The following NFIC variants were observed in gnomAD, a reference collection of about 807,000 sequenced individuals.
The protein encoded by NFIC is nuclear factor I C.
Under a neutral mutation model 54.4 loss-of-function variants are expected in NFIC, and 12 were observed. That is an observed-to-expected ratio of 0.22 (90% confidence interval 0.14 to 0.36). The LOEUF (loss-of-function observed/expected upper bound fraction) is 0.36. Among genes scored for constraint, NFIC ranks in the 10% least tolerant of loss-of-function variants. The pLI is 1.00. For synonymous variants in NFIC, 322 were observed against 319.2 expected (o/e 1.01, Z -0.09); for missense variants, 575 against 718.2 (o/e 0.80, Z 2.28).
chr19:3,377,195 A>G (rs977851292), intron 1 of NFIC, among the ~76,000 whole-genome samples: 6 of 151,628 alleles, frequency 4.0e-5, no homozygotes, highest in African/African-American at 7.3e-5. Context: ...TTAGTTGGGC[A>G]TGGTGGCGGG....
rs958990776 is a variant in NFIC at position 3,464,203 on chromosome 19, G to A, written c.*1434G>A. 1 of 985,404 alleles carries A rather than the reference G, an allele frequency of 1.0e-6. No individual in the cohort carries two copies. Among genetic ancestry groups the A allele is most frequent in the African/African-American group, 1.7e-5 (1 of 57,360 alleles). The allele number at this position is 985,404 out of a possible 1,614,324, so 61.0% of individuals were successfully genotyped here. The stretch of plus-strand genomic sequence containing the variant: ...CCGACGCGGGGCCCAGCTGCGGGAC[G>A]TGCATCACGGCTGGGCCCCCAGAGG... On this transcript the variant is annotated 3_prime_UTR_variant, in exon 11 of 11. Coordinates refer to ENST00000443272, the MANE Select transcript of NFIC (RefSeq NM_001245002.2).
chr19:3,431,727 C>T (rs762229310), intron 3 of NFIC, among the ~76,000 whole-genome samples: 39 of 152,014 alleles, frequency 2.6e-4, no homozygotes, highest in Non-Finnish European at 4.7e-4. Context: ...TGATCTCAAA[C>T]TCCTGAGCTC....
rs765596959 is a variant in NFIC, at chr19:3,456,631, C to T, written c.1505C>T (p.Ala502Val). 1.9e-6 allele frequency: 3 copies of T among 1,546,000 alleles called. No individual in the cohort carries two copies. The highest frequency in any genetic ancestry group is 2.6e-6 in the Non-Finnish European group (3 of 1,142,898). ...AGGGATCCTGCGGGCATTTATCAGGCACAGGTAGGGGCCGAGAGGCCGGCT... is the reference window on the plus strand; with the variant it reads ...AGGGATCCTGCGGGCATTTATCAGGTACAGGTAGGGGCCGAGAGGCCGGCT... ...GPRDPAGIYQAQSWYLG is the reference protein window; with the variant it reads ...GPRDPAGIYQVQSWYLG The change falls in exon 10 of 11, where the codon GCA (alanine) becomes GTA (valine). Residue 502 changes from alanine (A) to valine (V), a missense_variant. Ala to Val is a moderately conservative substitution (Grantham distance 64, BLOSUM62 0). Coordinates refer to ENST00000443272, the MANE Select transcript of NFIC (RefSeq NM_001245002.2).
intron 2 of NFIC, among the ~76,000 whole-genome samples, chr19:3,404,326 G>C (rs2081607851): frequency 6.6e-6 from 1 of 152,156 alleles, no homozygotes; most frequent in South Asian, 2.1e-4. Context: ...GACCGGGAGG[G>C]GGTGGGGGTG....
intron 2 of NFIC, among the ~76,000 whole-genome samples, chr19:3,385,921 A>C (rs2081289279): frequency 1.3e-5 from 2 of 149,656 alleles, no homozygotes; most frequent in South Asian, 4.2e-4. Flanking sequence ...TGCCCAGGCT[A>C]CTCTCGAACT....
chr19:3,390,624 T>C (rs950928346), intron 2 of NFIC, among the ~76,000 whole-genome samples: 4 of 152,066 alleles, frequency 2.6e-5, no homozygotes, highest in African/African-American at 9.7e-5. Context: ...ATCCAATTAG[T>C]GCATGAAAAG....
At chr19:3,438,429 C>CT (rs59788026) in intron 6 of NFIC, among the ~76,000 whole-genome samples, 1,518 of 124,008 alleles carry the variant, frequency 0.012, 11 homozygotes, top group Middle Eastern at 0.029. Flanking sequence ...CTGAGGGTTT[C>CT]TTTTTTTTTT....
chr19:3,464,792 G>A lies in NFIC; in HGVS notation c.*2023G>A. On this transcript the variant is annotated 3_prime_UTR_variant, in exon 11 of 11. Coordinates refer to ENST00000443272, the MANE Select transcript of NFIC (RefSeq NM_001245002.2). ...CGCCATCCTCTGGCCTCGAGCCCTT[G>A]GTCCCTCCGTCCGTCTGTCCTCGGG... The A allele has an allele frequency of 1.2e-6, 1 of 851,546 alleles. No homozygotes were observed. The highest frequency in any genetic ancestry group is 1.4e-6 in the Non-Finnish European group (1 of 707,776). 52.7% of individuals were successfully genotyped at this position (851,546 alleles called of 1,614,324 possible).
Position 3,434,356 on chromosome 19 carries a change from C to G in NFIC, c.789C>G (p.Ala263=). 6.2e-7 allele frequency: 1 copy of G among 1,613,450 alleles called. No individual in the cohort carries two copies. The highest frequency in any genetic ancestry group is 8.5e-7 in the Non-Finnish European group (1 of 1,179,828). The change falls in exon 5 of 11, where the codon GCC becomes GCG. Residue 263 remains alanine (A), a synonymous_variant. Coordinates refer to ENST00000443272, the MANE Select transcript of NFIC (RefSeq NM_001245002.2). ...QGHLAYDLNP[A]STGLRRTLPS... is the part of the protein sequence containing the mutation. Reference sequence around the variant, plus strand: ...ACCTGGCATACGACCTGAACCCAGCCAGCACTGGCCTCAGAAGAACGCTGC... The same window carrying G: ...ACCTGGCATACGACCTGAACCCAGCGAGCACTGGCCTCAGAAGAACGCTGC...
At position 3,429,231 on chromosome 19, in the gene NFIC, CAAA is replaced by C. The variant is rs367681612; in HGVS notation, c.634+4069_634+4071del. 1.6e-3 allele frequency among the ~76,000 whole-genome samples: 60 copies of C among 36,734 alleles called. 2 individuals carry two copies. Among genetic ancestry groups the C allele is most frequent in the African/African-American group, 6.7e-3 (56 of 8,314 alleles). The allele number at this position is 36,734 out of a possible 152,430, so 24.1% of individuals were successfully genotyped here. A position where few individuals can be genotyped will look rare whatever the true frequency, so the allele number is the denominator to read the frequency against. Reference sequence around the variant, plus strand: ...ATATAGCAAGACCCTATCTCTACCCCAAAAAAAAAAAAAAAAATATATACACAC... The same window carrying C: ...ATATAGCAAGACCCTATCTCTACCCCAAAAAAAAAAAAAATATATACACAC... On this transcript the variant is annotated intron_variant, in intron 3 of 10. Transcript: ENST00000443272.
intron 2 of NFIC, among the ~76,000 whole-genome samples, chr19:3,394,558 A>G (rs2081432458): frequency 9.0e-6 from 1 of 110,828 alleles, no homozygotes; most frequent in Non-Finnish European, 1.7e-5. Flanking sequence ...TGAAATTTGG[A>G]CAGACCACAT....
Position 3,458,452 on chromosome 19 carries a change from G to A in NFIC, c.1509+1817G>A, listed in dbSNP as rs1327165766. ...CCAAACTCTCTGACCAGGCCCTCCC[G>A]CCAGGGCCCGGGACCCTTCTCTCAG... On this transcript the variant is annotated intron_variant, in intron 10 of 10. Coordinates refer to ENST00000443272, the MANE Select transcript of NFIC (RefSeq NM_001245002.2). The surrounding 1 kb of genome is among the most constrained non-coding windows in gnomAD (Gnocchi z 4.1). Among the ~76,000 whole-genome samples the A allele has an allele frequency of 6.6e-6, 1 of 152,078 alleles. No homozygotes were observed. The highest frequency in any genetic ancestry group is 2.4e-5 in the African/African-American group (1 of 41,424).
At chr19:3,454,256 G>T in intron 9 of NFIC, 1 of 1,145,706 alleles carries the variant, frequency 8.7e-7, no homozygotes, top group Non-Finnish European at 1.1e-6. Context: ...CACAGTGGCG[G>T]CCCGAGGGCC....
intron 10 of NFIC, among the ~76,000 whole-genome samples, chr19:3,461,775 G>C (rs1433664081): frequency 6.6e-6 from 1 of 151,514 alleles, no homozygotes; most frequent in Non-Finnish European, 1.5e-5. Flanking sequence ...TAAAATAAAG[G>C]CCAGGCAGAG....
intron 1 of NFIC, among the ~76,000 whole-genome samples, chr19:3,368,913 C>CTGTGTGTG (rs59920512): frequency 0.028 from 4,133 of 147,020 alleles, 127 homozygotes; most frequent in Admixed American, 0.079. Context: ...TGCTCTGACT[C>CTGTGTGTG]TGTGTGTGTG....
In NFIC at chr19:3,370,363, C is replaced by T. The variant is rs2080978289; in HGVS notation, c.30+3697C>T. On this transcript the variant is annotated intron_variant, in intron 1 of 10. Transcript: ENST00000443272. The surrounding 1 kb of genome is among the most constrained non-coding windows in gnomAD (Gnocchi z 5.2). ...CCGCTGTATCTCCCTCTGGGTCTCT[C>T]TGTGCATCTCTCTCTGTTTCTCCCC... Among the ~76,000 whole-genome samples the T allele has an allele frequency of 6.6e-6, 1 of 152,118 alleles. No homozygotes were observed. Among genetic ancestry groups the T allele is most frequent in the South Asian group, 2.1e-4 (1 of 4,828 alleles).
intron 6 of NFIC, among the ~76,000 whole-genome samples, chr19:3,435,809 G>GTCTTTCTTTCTT (rs10567490): frequency 6.8e-6 from 1 of 147,562 alleles, no homozygotes; most frequent in Non-Finnish European, 1.5e-5. Context: ...TCTCTGGGGT[G>GTCTTTCTTTCTT]TCTTTCTTTC....
rs2081090971 is a variant in NFIC at position 3,375,542 on chromosome 19, T to C, written c.31-6170T>C. 6.6e-6 allele frequency among the ~76,000 whole-genome samples: 1 copy of C among 152,150 alleles called. No homozygotes were observed. Among genetic ancestry groups the C allele is most frequent in the Non-Finnish European group, 1.5e-5 (1 of 68,004 alleles). ...GGCCGGGCCCCCTCCACCTCCCCTT[T>C]GCCTTAGCAGGTTGGCTGGGGAAGC... On this transcript the variant is annotated intron_variant, in intron 1 of 10. Coordinates refer to ENST00000443272, the MANE Select transcript of NFIC (RefSeq NM_001245002.2). The surrounding 1 kb of genome is among the most constrained non-coding windows in gnomAD (Gnocchi z 4.6).
At position 3,369,567 on chromosome 19, in the gene NFIC, C is replaced by G. The variant is rs543781578; in HGVS notation, c.30+2901C>G. Among the ~76,000 whole-genome samples the G allele has an allele frequency of 2.0e-5, 3 of 152,204 alleles. No individual in the cohort carries two copies. Among genetic ancestry groups the G allele is most frequent in the Non-Finnish European group, 4.4e-5 (3 of 68,030 alleles). ...CGCTCTGTGCCACCCGGGCCCGGCC[C>G]GCCGAGTGGGGAGTGGGTGCTGGCG... On this transcript the variant is annotated intron_variant, in intron 1 of 10. Coordinates refer to ENST00000443272, the MANE Select transcript of NFIC (RefSeq NM_001245002.2). The surrounding 1 kb of genome is among the most constrained non-coding windows in gnomAD (Gnocchi z 4.3).
Sources: allele counts gnomAD v4.1 joint callset (sites outside exome capture counted in the v4.1 genomes callset), GRCh38; gene constraint gnomAD v4.1.1; non-coding constraint Gnocchi (gnomAD v3.1); transcripts MANE v1.5; gene names NCBI Gene and HGNC (gene_info 2026-07-23, HGNC 2026-07-21).